The following ITSN2 variants were observed in gnomAD, a reference collection of about 807,000 sequenced individuals.
The protein encoded by ITSN2 is intersectin 2, also known as intersectin-2.
Under a neutral mutation model 243.7 loss-of-function variants are expected in ITSN2, and 156 were observed. The ratio of observed to expected loss-of-function variants is 0.64; its 90% confidence interval spans 0.56 to 0.73. The LOEUF (loss-of-function observed/expected upper bound fraction) is 0.73, where lower values mean the gene tolerates loss of function less well. ITSN2 is among the 30% of genes least tolerant of loss of function. The pLI is 0.00. For missense variants in ITSN2, 1,801 were observed against 1,996.1 expected (o/e 0.90, Z 1.86); for synonymous variants, 703 against 699.9 (o/e 1.00, Z -0.07).
At chr2:24,340,572 C>T (rs1232061289) in intron 1 of ITSN2, among the ~76,000 whole-genome samples, 1 of 152,140 alleles carries the variant, frequency 6.6e-6, no homozygotes, top group Admixed American at 6.6e-5. Context: ...CCTCATGCTC[C>T]CTTCCAGCCT....
At chr2:24,291,560 G>T (rs1412011260) in intron 15 of ITSN2, among the ~76,000 whole-genome samples, 2 of 147,888 alleles carry the variant, frequency 1.4e-5, no homozygotes, top group Non-Finnish European at 3.0e-5. Context: ...TGCGATCTCA[G>T]CTCACTGCAG....
chr2:24,353,605 A>C (rs1688203393), intron 1 of ITSN2, among the ~76,000 whole-genome samples: 1 of 152,166 alleles, frequency 6.6e-6, no homozygotes, highest in South Asian at 2.1e-4. Context: ...AAACAAAACA[A>C]AACACTGGCC....
At position 24,212,760 on chromosome 2, in the gene ITSN2, CAGTG is replaced by C. The variant is rs745752119; in HGVS notation, c.3991-16_3991-13del. ...TCAGATGCCAGCTTCTGCAAAACAACAGTGAGGCTCGTGAGGAAATCACAGCTCC... is the reference window on the plus strand; with the variant it reads ...TCAGATGCCAGCTTCTGCAAAACAACAGGCTCGTGAGGAAATCACAGCTCC... On this transcript the variant is annotated splice_polypyrimidine_tract_variant and intron_variant, in intron 32 of 39. Transcript: ENST00000355123. 6.2e-7 allele frequency: 1 copy of C among 1,607,852 alleles called. No homozygotes were observed. Among genetic ancestry groups the C allele is most frequent in the Admixed American group, 1.7e-5 (1 of 60,020 alleles).
intron 29 of ITSN2, among the ~76,000 whole-genome samples, chr2:24,236,429 A>G (rs1297208050): frequency 6.6e-6 from 1 of 152,200 alleles, no homozygotes; most frequent in East Asian, 1.9e-4. Context: ...GTGACTGTGG[A>G]AATGGTTGGA....
chr2:24,343,832 T>C (rs186974810), intron 1 of ITSN2, among the ~76,000 whole-genome samples: 178 of 152,258 alleles, frequency 1.2e-3, no homozygotes, highest in African/African-American at 4.1e-3. Flanking sequence ...TCCACAAACA[T>C]TATTTCCCTT....
At chr2:24,273,616 G>C (rs894374438) in intron 18 of ITSN2, 14 of 152,074 alleles carry the variant, frequency 9.2e-5, no homozygotes, top group Non-Finnish European at 2.1e-4. Flanking sequence ...GGCCACATAA[G>C]TATGAGACTA....
At chr2:24,277,343 A>T (rs1678139777) in intron 17 of ITSN2, among the ~76,000 whole-genome samples, 1 of 152,226 alleles carries the variant, frequency 6.6e-6, no homozygotes, top group African/African-American at 2.4e-5. Flanking sequence ...TTCTTTTCAG[A>T]GATAACTATT....
intron 2 of ITSN2, 120 bp from the exon 3 acceptor site, chr2:24,315,344 C>T (rs1172154773): frequency 3.5e-6 from 2 of 565,316 alleles, no homozygotes; most frequent in South Asian, 2.6e-5. Flanking sequence ...TTGAGTGACA[C>T]AAAGAGTAGA....
In ITSN2 at chr2:24,308,730, G is replaced by A; in HGVS notation, c.680C>T (p.Ser227Leu). ...SSSTSSTASL[S>L]GNSPKTGTSE... ...GGTCCCAGTCTTGGGTGAGTTCCCT[G>A]AGAGTGAAGCAGTCGAGGAAGTTGA... Residue 227 changes from serine to leucine, a missense_variant, in exon 8 of 40, where the codon TCA becomes TTA. By Grantham distance (145) the Ser-to-Leu change is moderately radical (BLOSUM62 -2). Coordinates refer to ENST00000355123, the MANE Select transcript of ITSN2 (RefSeq NM_006277.3). The A allele has an allele frequency of 1.3e-6, 2 of 1,493,834 alleles. No individual in the cohort carries two copies. The highest frequency in any genetic ancestry group is 1.5e-5 in the South Asian group (1 of 66,258). The allele number at this position is 1,493,834 out of a possible 1,614,324, so 92.5% of individuals were successfully genotyped here. A position where few individuals can be genotyped will look rare whatever the true frequency, so the allele number is the denominator to read the frequency against.
intron 11 of ITSN2, 34 bp downstream of exon 11, chr2:24,301,120 A>T (rs770524171): frequency 2.7e-6 from 3 of 1,122,126 alleles, no homozygotes; most frequent in African/African-American, 3.1e-5. Flanking sequence ...AAAAGAACTC[A>T]GTATAAATAT....
At position 24,313,511 on chromosome 2, in the gene ITSN2, C is replaced by T. The variant is rs371930652; in HGVS notation, c.137G>A (p.Arg46His). The change falls in exon 4 of 40, where the codon CGT (arginine) becomes CAT (histidine). Residue 46 changes from arginine to histidine, a missense_variant. Arg to His is a conservative substitution (Grantham distance 29). This residue lies in a region of ITSN2 where 77 missense variants were observed against 90.1 expected (regional missense o/e 0.85). Transcript: ENST00000355123. ...SGGYITGDQA[R>H]NFFLQSGLPA... ...CAGACCTGATTGTAGGAAAAAATTA[C>T]GTGCTTGATCACCTGGAGGTAATAA... The T allele has an allele frequency of 9.9e-6, 16 of 1,612,950 alleles. No individual in the cohort carries two copies. The highest frequency in any genetic ancestry group is 2.7e-5 in the African/African-American group (2 of 74,876).
chr2:24,301,360 A>T, intron 10 of ITSN2, 121 bp from the exon 11 acceptor site: 1 of 526,802 alleles, frequency 1.9e-6, no homozygotes, highest in Non-Finnish European at 3.4e-6. Flanking sequence ...AGATATTTAA[A>T]ACAGTTTGGT....
At chr2:24,336,503 A>G (rs1686394806) in intron 1 of ITSN2, among the ~76,000 whole-genome samples, 1 of 152,170 alleles carries the variant, frequency 6.6e-6, no homozygotes, top group Admixed American at 6.5e-5. Context: ...TACTCCAGGT[A>G]CTTTCCATTT....
chr2:24,348,348 G>A (rs1687737399), intron 1 of ITSN2, among the ~76,000 whole-genome samples: 1 of 151,576 alleles, frequency 6.6e-6, no homozygotes. Context: ...CTAATTTTTT[G>A]TACTTTTTGT....
chr2:24,333,039 C>G (rs895264348), intron 1 of ITSN2, among the ~76,000 whole-genome samples: 12 of 152,128 alleles, frequency 7.9e-5, no homozygotes, highest in Non-Finnish European at 1.6e-4. Flanking sequence ...TCACAATATC[C>G]CCACAAGGCA....
At chr2:24,322,273 C>T (rs1311368635) in intron 2 of ITSN2, among the ~76,000 whole-genome samples, 1 of 152,164 alleles carries the variant, frequency 6.6e-6, no homozygotes, top group African/African-American at 2.4e-5. Flanking sequence ...GTAACTATTG[C>T]TATCACTGTT....
chr2:24,211,053 T>C lies in ITSN2; in HGVS notation c.4090-106A>G. Reference sequence around the variant, plus strand: ...AACCCCATGTTATGGACTGCTTCCATGCCCTGGAAACGCGGCGGTGAACAA... The same window carrying C: ...AACCCCATGTTATGGACTGCTTCCACGCCCTGGAAACGCGGCGGTGAACAA... On this transcript the variant is annotated intron_variant, in intron 33 of 39. Coordinates refer to ENST00000355123, the MANE Select transcript of ITSN2 (RefSeq NM_006277.3). The surrounding 1 kb of genome is among the most constrained non-coding windows in gnomAD (Gnocchi z 4.1). 2 of 1,096,454 alleles carry C rather than the reference T, an allele frequency of 1.8e-6. No homozygotes were observed. The highest frequency in any genetic ancestry group is 1.6e-5 in the African/African-American group (1 of 64,200). The allele number at this position is 1,096,454 out of a possible 1,614,324, so 67.9% of individuals were successfully genotyped here.
At chr2:24,226,316 C>T (rs892718096) in intron 29 of ITSN2, among the ~76,000 whole-genome samples, 2 of 152,182 alleles carry the variant, frequency 1.3e-5, no homozygotes, top group Admixed American at 6.5e-5. Flanking sequence ...TGGCCTCTGC[C>T]TGGGTTTGGC....
intron 37 of ITSN2, chr2:24,206,115 G>A (rs1030437114): frequency 1.3e-5 from 4 of 301,428 alleles, no homozygotes; most frequent in Admixed American, 5.4e-5. Flanking sequence ...CAGAAAAACC[G>A]GATTGACATC....
Sources: gnomAD v4.1 joint callset for allele counts (sites outside exome capture counted in the v4.1 genomes callset) on GRCh38, gnomAD v4.1.1 for gene constraint, gnomAD v4.1.1 regional missense constraint, Gnocchi (gnomAD v3.1) non-coding constraint, MANE v1.5 for transcripts, NCBI Gene and HGNC (gene_info 2026-07-23, HGNC 2026-07-21) for gene names.